PALLD: variants seen among roughly 807,000 people sequenced by gnomAD.
PALLD encodes palladin.
Under a neutral mutation model 123.5 loss-of-function variants are expected in PALLD, and 61 were observed. That is an observed-to-expected ratio of 0.49 (90% CI 0.40 to 0.61). The LOEUF is 0.61. PALLD is among the 20% of genes least tolerant of loss of function. The pLI is 0.00. For missense variants in PALLD, 1,273 were observed against 1,377.0 expected (o/e 0.92, Z 1.20); for synonymous variants, 465 against 496.4 (o/e 0.94, Z 0.84).
intron 3 of PALLD, among the ~76,000 whole-genome samples, chr4:168,675,598 C>G (rs1163090092): frequency 1.3e-5 from 2 of 152,144 alleles, no homozygotes; most frequent in East Asian, 3.8e-4. Flanking sequence ...TATGATGGCT[C>G]TATGCTTTGG....
At chr4:168,838,076 C>G (rs1029325288) in intron 10 of PALLD, among the ~76,000 whole-genome samples, 1 of 152,266 alleles carries the variant, frequency 6.6e-6, no homozygotes, top group East Asian at 1.9e-4. Context: ...TATTGTTTCT[C>G]GCAGCAACCC....
At chr4:168,591,345 G>T (rs1180026139) in intron 2 of PALLD, among the ~76,000 whole-genome samples, 7 of 152,170 alleles carry the variant, frequency 4.6e-5, no homozygotes, top group Non-Finnish European at 1.0e-4. Context: ...CAGGCGATGG[G>T]TTCAAATCCC....
intron 3 of PALLD, among the ~76,000 whole-genome samples, chr4:168,678,239 TG>T (rs199555983): frequency 0.021 from 3,125 of 152,272 alleles, 70 homozygotes; most frequent in South Asian, 0.12. Context: ...CTTGGTTCCT[TG>T]GTGTCCTTGT....
chr4:168,551,985 T>C (rs1479720014), intron 2 of PALLD, among the ~76,000 whole-genome samples: 1 of 152,176 alleles, frequency 6.6e-6, no homozygotes, highest in East Asian at 1.9e-4. Context: ...CGTGAGTCTT[T>C]GGTTTTGAGG....
chr4:168,812,295 G>A (rs184542615), intron 10 of PALLD, among the ~76,000 whole-genome samples: 6 of 152,234 alleles, frequency 3.9e-5, no homozygotes, highest in East Asian at 1.9e-4. Context: ...CAGTACAGAC[G>A]ATTAGTAAGG....
chr4:168,762,675 G>C (rs1215442313), intron 10 of PALLD, among the ~76,000 whole-genome samples: 2 of 152,146 alleles, frequency 1.3e-5, no homozygotes, highest in Non-Finnish European at 2.9e-5. Context: ...CCATTACTGG[G>C]TATATGCTCA....
At position 168,816,258 on chromosome 4, in the gene PALLD, G is replaced by C. The variant is rs571645269; in HGVS notation, c.1965-74664G>C. On this transcript the variant is annotated intron_variant, in intron 10 of 21. Coordinates refer to ENST00000505667, the MANE Select transcript of PALLD (RefSeq NM_001166108.2). The stretch of plus-strand genomic sequence containing the variant: ...GAAAATAGCCTTCAGCACTCCAAAT[G>C]CCTGCTTGTTTTCAACACAAGAGAG... Among the ~76,000 whole-genome samples, 7 of 147,338 alleles carry C rather than the reference G, an allele frequency of 4.8e-5. 1 individual carries two copies. The South Asian group carries it at 1.5e-3, about 31-fold the overall frequency.
chr4:168,591,995 G>A (rs1267141663), intron 2 of PALLD, among the ~76,000 whole-genome samples: 1 of 150,960 alleles, frequency 6.6e-6, no homozygotes, highest in Admixed American at 6.6e-5. Context: ...GCTACTCTTC[G>A]GCTACTCTTA....
At chr4:168,672,761 A>G (rs1436547332) in intron 3 of PALLD, among the ~76,000 whole-genome samples, 1 of 152,102 alleles carries the variant, frequency 6.6e-6, no homozygotes, top group Non-Finnish European at 1.5e-5. Context: ...CCCGGCCAAG[A>G]TGAACTTTTT....
chr4:168,594,766 T>C (rs78267565), intron 2 of PALLD, among the ~76,000 whole-genome samples: 2,197 of 152,268 alleles, frequency 0.014, 53 homozygotes, highest in African/African-American at 0.05. Context: ...CCTTACAGGT[T>C]GTGTCAGTGA....
At position 168,713,942 on chromosome 4, in the gene PALLD, GTTTTTTTT is replaced by G. The variant is rs34942776; in HGVS notation, c.1964+2038_1964+2045del. Among the ~76,000 whole-genome samples, 6 of 54,700 alleles carry G rather than the reference GTTTTTTTT, an allele frequency of 1.1e-4. No individual in the cohort carries two copies. In the Admixed American group the frequency reaches 1.2e-3, roughly 11 times the overall value. The allele number at this position is 54,700 out of a possible 152,430, so 35.9% of individuals were successfully genotyped here. Reference sequence around the variant, plus strand: ...TTTACTTGTACTAGGTTTTCCCATTGTTTTTTTTTTTTTTTTTTTTTTTTTTCAAATCT... The same window carrying G: ...TTTACTTGTACTAGGTTTTCCCATTGTTTTTTTTTTTTTTTTTTCAAATCT... On this transcript the variant is annotated intron_variant, in intron 10 of 21. Transcript: ENST00000505667.
chr4:168,534,288 G>A (rs562464532), intron 2 of PALLD, among the ~76,000 whole-genome samples: 2 of 152,322 alleles, frequency 1.3e-5, no homozygotes, highest in East Asian at 3.9e-4. Flanking sequence ...AGCAAGACCA[G>A]AGCCAGAGAC....
intron 10 of PALLD, among the ~76,000 whole-genome samples, chr4:168,857,513 A>G (rs1394624049): frequency 6.6e-6 from 1 of 152,216 alleles, no homozygotes; most frequent in African/African-American, 2.4e-5. Flanking sequence ...TGGAAAGGTA[A>G]TGTTTAAAGA....
intron 19 of PALLD, 23 bp downstream of exon 19, chr4:168,924,443 T>C: frequency 6.2e-7 from 1 of 1,603,010 alleles, no homozygotes; most frequent in Non-Finnish European, 8.5e-7. Flanking sequence ...AATGAGAACC[T>C]GATCCTTAAC....
chr4:168,810,700 C>T (rs868460772), intron 10 of PALLD, among the ~76,000 whole-genome samples: 4 of 148,808 alleles, frequency 2.7e-5, no homozygotes, highest in Admixed American at 6.7e-5. Context: ...CCCAGCTACT[C>T]GGGAGGCTGA....
chr4:168,534,818 C>T (rs188870025), intron 2 of PALLD, among the ~76,000 whole-genome samples: 1 of 152,304 alleles, frequency 6.6e-6, no homozygotes, highest in East Asian at 1.9e-4. Context: ...GAACAGTTTA[C>T]ATAATAGGTT....
intron 2 of PALLD, among the ~76,000 whole-genome samples, chr4:168,548,902 T>C (rs756452623): frequency 1.3e-5 from 2 of 152,028 alleles, no homozygotes; most frequent in Non-Finnish European, 1.5e-5. Flanking sequence ...AATCACAATA[T>C]TTTGGGAGGC....
At chr4:168,593,145 G>A (rs1046407821) in intron 2 of PALLD, among the ~76,000 whole-genome samples, 1 of 151,862 alleles carries the variant, frequency 6.6e-6, no homozygotes, top group African/African-American at 2.4e-5. Flanking sequence ...CTGCTGGATT[G>A]TTAAAAATCA....
At position 168,896,543 on chromosome 4, in the gene PALLD, T is replaced by C; in HGVS notation, c.2200-6T>C. 1 of 1,466,558 alleles carries C rather than the reference T, an allele frequency of 6.8e-7. No homozygotes were observed. 90.8% of individuals were successfully genotyped at this position (1,466,558 alleles called of 1,614,324 possible). A position where few individuals can be genotyped will look rare whatever the true frequency, so the allele number is the denominator to read the frequency against. Reference sequence around the variant, plus strand: ...AGTCTTCACATCTTTTTTTCTACCATTACAGGACATTGGTTCTCCTCATGC... The same window carrying C: ...AGTCTTCACATCTTTTTTTCTACCACTACAGGACATTGGTTCTCCTCATGC... On this transcript the variant is annotated splice_polypyrimidine_tract_variant and splice_region_variant and intron_variant, in intron 12 of 21. Coordinates refer to ENST00000505667, the MANE Select transcript of PALLD (RefSeq NM_001166108.2).
Sources: gnomAD v4.1 joint callset for allele counts (sites outside exome capture counted in the v4.1 genomes callset) on GRCh38, gnomAD v4.1.1 for gene constraint, MANE v1.5 for transcripts, NCBI Gene and HGNC (gene_info 2026-07-23, HGNC 2026-07-21) for gene names.